The following DNAH11 variants were observed in gnomAD, a reference collection of about 807,000 sequenced individuals.
DNAH11 encodes dynein axonemal heavy chain 11, also known as axonemal beta dynein heavy chain 11.
A neutral mutation model predicts 526.0 loss-of-function variants in DNAH11; 442 were observed. That is an observed-to-expected ratio of 0.84 (90% CI 0.78 to 0.91). DNAH11 has a LOEUF of 0.91. DNAH11 is among the 40% of genes least tolerant of loss of function. The pLI is 0.00. For missense variants in DNAH11, 6,989 were observed against 5,448.7 expected, an observed-to-expected ratio of 1.28 and a Z score of -8.90; for synonymous variants, 2,461 against 1,935.9, an observed-to-expected ratio of 1.27 and a Z score of -7.12.
intron 69 of DNAH11, among the ~76,000 whole-genome samples, chr7:21,862,735 C>T (rs1783113207): frequency 6.6e-6 from 1 of 152,142 alleles, no homozygotes; most frequent in South Asian, 2.1e-4. Flanking sequence ...AACCTGCTTC[C>T]TTTTTATTCC....
At chr7:21,570,969 A>G (rs1170736680) in intron 7 of DNAH11, among the ~76,000 whole-genome samples, 1 of 152,002 alleles carries the variant, frequency 6.6e-6, no homozygotes, top group African/African-American at 2.4e-5. Context: ...GTCATTGATA[A>G]AGGTTTGTTT....
At chr7:21,655,351 C>T (rs773078179) in intron 28 of DNAH11, among the ~76,000 whole-genome samples, 1 of 152,112 alleles carries the variant, frequency 6.6e-6, no homozygotes, top group Non-Finnish European at 1.5e-5. Context: ...TACTGTGGGG[C>T]TCACCAAAGT....
At chr7:21,767,481 T>A (rs77672334) in intron 55 of DNAH11, among the ~76,000 whole-genome samples, 3 of 152,302 alleles carry the variant, frequency 2.0e-5, no homozygotes, top group East Asian at 3.9e-4. Flanking sequence ...GAGGCAGGAC[T>A]TGCATCGTGT....
At chr7:21,639,716 T>C (rs1413628337) in intron 28 of DNAH11, among the ~76,000 whole-genome samples, 1 of 152,244 alleles carries the variant, frequency 6.6e-6, no homozygotes, top group Non-Finnish European at 1.5e-5. Context: ...TTTAAGAGAA[T>C]GTTGCCTTTC....
At chr7:21,746,242 C>T (rs1362813016) in intron 51 of DNAH11, among the ~76,000 whole-genome samples, 1 of 152,128 alleles carries the variant, frequency 6.6e-6, no homozygotes, top group East Asian at 1.9e-4. Context: ...TCATTGACAC[C>T]AGCAGGAAGA....
intron 61 of DNAH11, 127 bp downstream of exon 61, chr7:21,789,469 G>A: frequency 1.6e-6 from 1 of 611,386 alleles, no homozygotes; most frequent in East Asian, 2.8e-5. Context: ...TCTTCCATGA[G>A]TGTATTTCCT....
Position 21,620,087 on chromosome 7 carries a change from G to A in DNAH11, c.4500+9G>A. 1 of 1,559,894 alleles carries A rather than the reference G, an allele frequency of 6.4e-7. No individual in the cohort carries two copies. Among genetic ancestry groups the A allele is most frequent in the Non-Finnish European group, 8.6e-7 (1 of 1,156,384 alleles). On this transcript the variant is annotated intron_variant, in intron 25 of 81. Coordinates refer to ENST00000409508, the MANE Select transcript of DNAH11 (RefSeq NM_001277115.2). ...CTCTAGAGCACAACCAAGTAAGATG[G>A]ATATTTTTATTGCATATATTTTTCA...
At chr7:21,787,676 A>T in intron 60 of DNAH11, 93 bp downstream of exon 60, 1 of 1,185,400 alleles carries the variant, frequency 8.4e-7, no homozygotes, top group South Asian at 1.9e-5. Flanking sequence ...AAAATTTGTT[A>T]TTTCATTTTC....
intron 25 of DNAH11, among the ~76,000 whole-genome samples, chr7:21,624,906 T>G (rs1437898640): frequency 6.6e-6 from 1 of 152,188 alleles, no homozygotes; most frequent in African/African-American, 2.4e-5. Flanking sequence ...TGGTGAATGA[T>G]CTTTTTTAGT....
chr7:21,597,145 A>C (rs1227217009), intron 14 of DNAH11, among the ~76,000 whole-genome samples: 1 of 82,462 alleles, frequency 1.2e-5, no homozygotes, highest in African/African-American at 4.2e-5. Context: ...CTGAGTGATC[A>C]TTCAGTTATC....
chr7:21,715,334 C>G (rs1377530201), intron 42 of DNAH11, among the ~76,000 whole-genome samples: 1 of 152,208 alleles, frequency 6.6e-6, no homozygotes, highest in Non-Finnish European at 1.5e-5. Flanking sequence ...AAACCTGGAA[C>G]AGTTCTGCAG....
chr7:21,706,032 C>T (rs926028135), intron 39 of DNAH11, among the ~76,000 whole-genome samples: 2 of 151,998 alleles, frequency 1.3e-5, no homozygotes, highest in African/African-American at 2.4e-5. Flanking sequence ...AAAAACAAAC[C>T]GAAATATTTT....
chr7:21,843,953 G>T (rs1782315476), intron 66 of DNAH11, among the ~76,000 whole-genome samples: 1 of 152,142 alleles, frequency 6.6e-6, no homozygotes, highest in South Asian at 2.1e-4. Context: ...GAGATTTATG[G>T]CCTACATTTT....
intron 25 of DNAH11, among the ~76,000 whole-genome samples, chr7:21,634,894 A>G (rs1786783142): frequency 6.6e-6 from 1 of 152,234 alleles, no homozygotes; most frequent in Admixed American, 6.5e-5. Flanking sequence ...ATGCTGTGTG[A>G]TAGAAGCGTT....
intron 42 of DNAH11, among the ~76,000 whole-genome samples, chr7:21,714,457 G>T (rs1475110761): frequency 6.6e-6 from 1 of 152,060 alleles, no homozygotes; most frequent in African/African-American, 2.4e-5. Context: ...AGAATAAAGG[G>T]TATTTTTTCC....
chr7:21,748,533 C>A, intron 51 of DNAH11, 47 bp from the exon 52 acceptor site: 1 of 1,424,226 alleles, frequency 7.0e-7, no homozygotes, highest in East Asian at 2.5e-5. Context: ...GACATAGTCC[C>A]GGGGCATTTT....
intron 25 of DNAH11, among the ~76,000 whole-genome samples, chr7:21,626,584 C>T (rs1409258541): frequency 2.0e-5 from 3 of 152,152 alleles, no homozygotes; most frequent in African/African-American, 7.2e-5. Flanking sequence ...AAGTGTTCCC[C>T]TTTCTCCACA....
chr7:21,865,670 G>C (rs1783247549), intron 70 of DNAH11, among the ~76,000 whole-genome samples: 1 of 152,164 alleles, frequency 6.6e-6, no homozygotes, highest in South Asian at 2.1e-4. Context: ...TTTCCAGAAA[G>C]GGGTCCTGAT....
chr7:21,706,698 A>G (rs189269333), intron 39 of DNAH11, among the ~76,000 whole-genome samples: 1 of 152,198 alleles, frequency 6.6e-6, no homozygotes, highest in Non-Finnish European at 1.5e-5. Flanking sequence ...TCTACTCAAC[A>G]GGTACGTAAC....
Sources: allele counts gnomAD v4.1 joint callset (sites outside exome capture counted in the v4.1 genomes callset), GRCh38; gene constraint gnomAD v4.1.1; transcripts MANE v1.5; gene names NCBI Gene and HGNC (gene_info 2026-07-23, HGNC 2026-07-21).